Variants in ZNF217 observed in about 807,000 individuals in gnomAD.
ZNF217 encodes zinc finger protein 217.
ZNF217 carries 12 observed loss-of-function variants against 73.3 expected under a neutral mutation model. The observed-to-expected ratio is 0.16, with a 90% CI of 0.10 to 0.27. The LOEUF (loss-of-function observed/expected upper bound fraction) is 0.27. Among genes scored for constraint, ZNF217 ranks in the 10% least tolerant of loss-of-function variants. The probability of loss-of-function intolerance (pLI) is 1.00; values close to 1 mark genes in which losing one functional copy is unlikely to be tolerated. For missense variants in ZNF217, 1,195 were observed against 1,327.8 expected (o/e 0.90, Z 1.55); for synonymous variants, 588 against 516.4 (o/e 1.14, Z -1.88).
rs923780050 is a variant in ZNF217, at chr20:53,568,608, T to G, written c.*680A>C. 7 of 152,176 alleles carry G rather than the reference T, an allele frequency of 4.6e-5. No homozygotes were observed. Among genetic ancestry groups the G allele is most frequent in the African/African-American group, 1.7e-4 (7 of 41,432 alleles). The allele number at this position is 152,176 out of a possible 1,614,324, so 9.4% of individuals were successfully genotyped here. Reference sequence around the variant, plus strand: ...CCTTCCCCATCTGAGATGCTCAAAGTTGCGATAAAATGCTGCCAGCTTCCG... The same window carrying G: ...CCTTCCCCATCTGAGATGCTCAAAGGTGCGATAAAATGCTGCCAGCTTCCG... On this transcript the variant is annotated 3_prime_UTR_variant, in exon 6 of 6. Coordinates refer to ENST00000371471, the MANE Select transcript of ZNF217 (RefSeq NM_006526.3).
chr20:53,596,041 G>A (rs547284210), upstream of ZNF217, among the ~76,000 whole-genome samples: 1 of 152,056 alleles, frequency 6.6e-6, no homozygotes, highest in African/African-American at 2.4e-5. Context: ...ACTTTTCAGG[G>A]GGAATAGGGA....
At chr20:53,586,950 T>C (rs1159224648) in intron 1 of ZNF217, among the ~76,000 whole-genome samples, 2 of 152,240 alleles carry the variant, frequency 1.3e-5, no homozygotes, top group East Asian at 1.9e-4. Context: ...TAAATGCTTC[T>C]AGCTTGCAAG....
intron 1 of ZNF217, among the ~76,000 whole-genome samples, chr20:53,593,323 G>C (rs1568694319): frequency 6.6e-6 from 1 of 152,106 alleles, no homozygotes; most frequent in East Asian, 1.9e-4. Flanking sequence ...CGGGCATCGC[G>C]GGGGGACCCT....
At chr20:53,587,241 G>A (rs1349674850) in intron 1 of ZNF217, among the ~76,000 whole-genome samples, 5 of 152,188 alleles carry the variant, frequency 3.3e-5, no homozygotes, top group African/African-American at 1.2e-4. Context: ...GAAGTGTGAT[G>A]TTCTTTAGGT....
Position 53,575,899 on chromosome 20 carries a change from T to C in ZNF217, c.2865A>G (p.Leu955=). 4 of 1,614,176 alleles carry C rather than the reference T, an allele frequency of 2.5e-6. No individual in the cohort carries two copies. The highest frequency in any genetic ancestry group is 1.7e-6 in the Non-Finnish European group (2 of 1,180,022). The change falls in exon 4 of 6, where the codon TTA becomes TTG. Residue 955 remains leucine (L), a synonymous_variant. Coordinates refer to ENST00000371471, the MANE Select transcript of ZNF217 (RefSeq NM_006526.3). ...YHMVRGITSL[L]PQDCVYPSQA... ...GCGACGGATACACACAGTCCTGCGGTAACAGTGATGTGATGCCTCTGACCA... is the reference window on the plus strand; with the variant it reads ...GCGACGGATACACACAGTCCTGCGGCAACAGTGATGTGATGCCTCTGACCA...
chr20:53,579,164 C>T (rs1486537837), intron 2 of ZNF217, among the ~76,000 whole-genome samples: 1 of 152,174 alleles, frequency 6.6e-6, no homozygotes, highest in Non-Finnish European at 1.5e-5. Flanking sequence ...ATGTGTCTCA[C>T]GTGCATCAGG....
At chr20:53,590,369 A>G (rs1040512024) in intron 1 of ZNF217, among the ~76,000 whole-genome samples, 6 of 152,256 alleles carry the variant, frequency 3.9e-5, no homozygotes, top group African/African-American at 9.6e-5. Flanking sequence ...CTCAAAATCT[A>G]TAACATACAG....
At chr20:53,574,366 T>A (rs1186852753) in intron 4 of ZNF217, 1 of 152,214 alleles carries the variant, frequency 6.6e-6, no homozygotes, top group Non-Finnish European at 1.5e-5. Context: ...AGGTCAAGGG[T>A]CCACGTGTGG....
At chr20:53,593,734 G>A (rs1201958876) in intron 1 of ZNF217, 22 bp downstream of exon 1, 1 of 151,310 alleles carries the variant, frequency 6.6e-6, no homozygotes, top group Non-Finnish European at 1.5e-5. Context: ...GCTGGCGCGG[G>A]CGGGGGGCGC....
Position 53,576,421 on chromosome 20 carries a change from C to A in ZNF217, c.2343G>T (p.Pro781=). 6.2e-7 allele frequency: 1 copy of A among 1,614,136 alleles called. No individual in the cohort carries two copies. The highest frequency in any genetic ancestry group is 8.5e-7 in the Non-Finnish European group (1 of 1,180,012). The part of the protein sequence containing the change: ...FCKPKPKSAF[P]AQSKSLPSAK... ...CAGATGGCAGGGATTTGGACTGCGC[C>A]GGGAAAGCAGACTTGGGCTTGGGTT... Residue 781 remains proline (P), a synonymous_variant, in exon 4 of 6, where the codon CCG becomes CCT. Transcript: ENST00000371471.
intron 5 of ZNF217, 46 bp downstream of exon 5, chr20:53,571,675 A>G (rs946653684): frequency 8.0e-5 from 126 of 1,572,428 alleles, no homozygotes; most frequent in Non-Finnish European, 1.0e-4. Flanking sequence ...CCAAATGGCC[A>G]CCGCACTCAG....
intron 4 of ZNF217, among the ~76,000 whole-genome samples, chr20:53,573,647 C>T (rs190555117): frequency 7.2e-4 from 109 of 152,206 alleles, no homozygotes; most frequent in African/African-American, 2.4e-3. Flanking sequence ...TTAGTAGAGA[C>T]GGGGTTTCAC....
chr20:53,581,734 G>A lies in ZNF217; in HGVS notation c.1093C>T (p.Pro365Ser). The change falls in exon 2 of 6, where the codon CCC becomes TCC. Residue 365 changes from proline (P) to serine (S), a missense_variant. Pro to Ser is a moderately conservative substitution (Grantham distance 74, BLOSUM62 -1). This residue lies in a region of ZNF217 where 102 missense variants were observed against 91.9 expected (regional missense o/e 1.11). Transcript: ENST00000371471. The surrounding 1 kb of genome is among the most constrained non-coding windows in gnomAD (Gnocchi z 4.9). ...TTCTCCTTGCTACTGGGTAACTTGGGATCCGCGTCCACGGAGGGCGCTTCG... is the reference window on the plus strand; with the variant it reads ...TTCTCCTTGCTACTGGGTAACTTGGAATCCGCGTCCACGGAGGGCGCTTCG... ...HGEAPSVDAD[P>S]KLPSSKEKPT... 1 of 1,614,242 alleles carries A rather than the reference G, an allele frequency of 6.2e-7. No individual in the cohort carries two copies. Among genetic ancestry groups the A allele is most frequent in the Non-Finnish European group, 8.5e-7 (1 of 1,180,038 alleles).
intron 4 of ZNF217, 36 bp downstream of exon 4, chr20:53,575,674 AGCTATTAATCACTGTAG>A: frequency 6.8e-7 from 1 of 1,474,548 alleles, no homozygotes; most frequent in Non-Finnish European, 9.0e-7. Context: ...TGCCTGGATT[AGCTATTAATCACTGTAG>A]GCAGCCATTT....
In ZNF217 at chr20:53,576,749, G is replaced by C. The variant is rs1442314315; in HGVS notation, c.2015C>G (p.Ala672Gly). 6.2e-7 allele frequency: 1 copy of C among 1,614,232 alleles called. No individual in the cohort carries two copies. Among genetic ancestry groups the C allele is most frequent in the South Asian group, 1.1e-5 (1 of 91,080 alleles). Reference sequence around the variant, plus strand: ...CACACTTGGCCTGTATCTGCAGTCAGCTGCGGTCTCCGTTTGCTTCTCTTT... The same window carrying C: ...CACACTTGGCCTGTATCTGCAGTCACCTGCGGTCTCCGTTTGCTTCTCTTT... ...SPKEKQTETA[A>G]DCRYRPSVDC... is the part of the protein sequence containing the mutation. Residue 672 changes from alanine (A) to glycine (G), a missense_variant, in exon 4 of 6, where the codon GCT becomes GGT. By Grantham distance (60) the Ala-to-Gly change is moderately conservative. Coordinates refer to ENST00000371471, the MANE Select transcript of ZNF217 (RefSeq NM_006526.3).
At chr20:53,590,850 T>C (rs1265451500) in intron 1 of ZNF217, among the ~76,000 whole-genome samples, 2 of 152,228 alleles carry the variant, frequency 1.3e-5, no homozygotes, top group Non-Finnish European at 2.9e-5. Flanking sequence ...CATCAGTTTA[T>C]AAGTGACTTG....
intron 1 of ZNF217, among the ~76,000 whole-genome samples, chr20:53,587,307 T>C (rs1332488885): frequency 2.6e-5 from 4 of 152,260 alleles, no homozygotes; most frequent in Admixed American, 6.5e-5. Flanking sequence ...CCACTACCTG[T>C]AGATCTTGAA....
chr20:53,593,575 C>G (rs1008322037), intron 1 of ZNF217, among the ~76,000 whole-genome samples, 181 bp downstream of exon 1: 2 of 151,774 alleles, frequency 1.3e-5, no homozygotes, highest in African/African-American at 4.8e-5. Context: ...GGCGGAAGCG[C>G]AGGAGCCGGC....
At chr20:53,586,779 G>A (rs1278620687) in intron 1 of ZNF217, among the ~76,000 whole-genome samples, 1 of 152,160 alleles carries the variant, frequency 6.6e-6, no homozygotes, top group Non-Finnish European at 1.5e-5. Context: ...ATTGAATGGG[G>A]TGTGTGCACA....
Sources: gnomAD v4.1 joint callset for allele counts (sites outside exome capture counted in the v4.1 genomes callset) on GRCh38, gnomAD v4.1.1 for gene constraint, gnomAD v4.1.1 regional missense constraint, Gnocchi (gnomAD v3.1) non-coding constraint, MANE v1.5 for transcripts, NCBI Gene and HGNC (gene_info 2026-07-23, HGNC 2026-07-21) for gene names.